APOBEC3H: variants seen among roughly 807,000 people sequenced by gnomAD.
APOBEC3H encodes the protein apolipoprotein B mRNA editing enzyme catalytic subunit 3H.
A neutral mutation model predicts 21.2 loss-of-function variants in APOBEC3H; 8 were observed. That is an observed-to-expected ratio of 0.38 (90% confidence interval 0.22 to 0.68). APOBEC3H has a LOEUF of 0.68. Ranked by LOEUF, APOBEC3H falls within the 30% of genes least tolerant of loss-of-function variation. The pLI is 0.52. For synonymous variants in APOBEC3H, 88 were observed against 91.0 expected (o/e 0.97, Z 0.19); for missense variants, 229 against 228.1 (o/e 1.00, Z -0.03).
At chr22:39,102,959 T>C (rs1166728439) in intron 4 of APOBEC3H, among the ~76,000 whole-genome samples, 9 of 47,710 alleles carry the variant, frequency 1.9e-4, no homozygotes, top group East Asian at 1.4e-3. Flanking sequence ...CAAGACTCTG[T>C]CCCAAAAAAA....
chr22:39,102,750 C>T (rs1017333261), intron 4 of APOBEC3H: 4 of 572,002 alleles, frequency 7.0e-6, no homozygotes, highest in South Asian at 2.1e-5. Context: ...GCCTGTAGTC[C>T]CAGCACTGGG....
At chr22:39,101,865 G>A in intron 3 of APOBEC3H, 53 bp from the exon 4 acceptor site, 2 of 1,613,468 alleles carry the variant, frequency 1.2e-6, no homozygotes, top group Admixed American at 1.7e-5. Flanking sequence ...AAGAGCTCCT[G>A]GCACTGCAGC....
chr22:39,098,232 C>A (rs987543932), intron 1 of APOBEC3H, among the ~76,000 whole-genome samples: 1 of 152,196 alleles, frequency 6.6e-6, no homozygotes, highest in African/African-American at 2.4e-5. Flanking sequence ...GAAGTGCTAC[C>A]CTGATTTTTT....
At chr22:39,100,051 T>G (rs1204110104) in intron 1 of APOBEC3H, among the ~76,000 whole-genome samples, 2 of 152,166 alleles carry the variant, frequency 1.3e-5, no homozygotes, top group East Asian at 3.8e-4. Context: ...CAGGCATCTG[T>G]AATCCCAGCT....
At chr22:39,101,029 C>T (rs112695008) in intron 2 of APOBEC3H, among the ~76,000 whole-genome samples, 7 of 152,262 alleles carry the variant, frequency 4.6e-5, no homozygotes, top group African/African-American at 9.6e-5. Context: ...AATTAACACA[C>T]GGGTGCGTGA....
At position 39,103,899 on chromosome 22, in the gene APOBEC3H, T is replaced by G; in HGVS notation, c.*202T>G. Reference sequence around the variant, plus strand: ...CCCATCCAAGTACAGAAGACCTTCCTTTCCTCCTTTTTCCATATTGCTTTC... The same window carrying G: ...CCCATCCAAGTACAGAAGACCTTCCGTTCCTCCTTTTTCCATATTGCTTTC... On this transcript the variant is annotated 3_prime_UTR_variant, in exon 5 of 5. Coordinates refer to ENST00000442487, the MANE Select transcript of APOBEC3H (RefSeq NM_181773.5). The G allele has an allele frequency of 1.6e-6, 1 of 606,644 alleles. No individual in the cohort carries two copies. The highest frequency in any genetic ancestry group is 2.9e-5 in the Admixed American group (1 of 34,598). The allele number at this position is 606,644 out of a possible 1,614,324, so 37.6% of individuals were successfully genotyped here. A position where few individuals can be genotyped will look rare whatever the true frequency, so the allele number is the denominator to read the frequency against.
At chr22:39,098,222 G>C (rs935521109) in intron 1 of APOBEC3H, among the ~76,000 whole-genome samples, 1 of 152,228 alleles carries the variant, frequency 6.6e-6, no homozygotes, top group African/African-American at 2.4e-5. Flanking sequence ...CCTGGGGATG[G>C]AAGTGCTACC....
intron 1 of APOBEC3H, among the ~76,000 whole-genome samples, chr22:39,098,661 G>C (rs1383205538): frequency 6.6e-6 from 1 of 152,150 alleles, no homozygotes; most frequent in Non-Finnish European, 1.5e-5. Flanking sequence ...AAAGACCAGA[G>C]CTAGGGCCCT....
At chr22:39,103,564 C>T (rs1929488625) in intron 4 of APOBEC3H, 125 bp from the exon 5 acceptor site, 2 of 962,714 alleles carry the variant, frequency 2.1e-6, no homozygotes. Context: ...TTTCTCCAGG[C>T]CTTCTGGGCC....
rs149074392 is a variant in APOBEC3H at position 39,103,672 on chromosome 22, C to T, written c.544-17C>T. 6.2e-7 allele frequency: 1 copy of T among 1,613,944 alleles called. No homozygotes were observed. The highest frequency in any genetic ancestry group is 1.3e-5 in the African/African-American group (1 of 75,042). ...CCCACCAGTTGGTACCTCCTAACTTCTCTCTTTCCCTCTCAGCAGTCCTGA... is the reference window on the plus strand; with the variant it reads ...CCCACCAGTTGGTACCTCCTAACTTTTCTCTTTCCCTCTCAGCAGTCCTGA... On this transcript the variant is annotated splice_polypyrimidine_tract_variant and intron_variant, in intron 4 of 4. Transcript: ENST00000442487.
intron 2 of APOBEC3H, among the ~76,000 whole-genome samples, chr22:39,100,928 C>T (rs1360907452): frequency 1.3e-5 from 2 of 151,894 alleles, no homozygotes; most frequent in East Asian, 1.9e-4. Flanking sequence ...CACAGAGCTT[C>T]GGGACTGGGG....
chr22:39,101,568 T>TG, intron 3 of APOBEC3H, 64 bp downstream of exon 3: 1 of 244,528 alleles, frequency 4.1e-6, no homozygotes, highest in South Asian at 2.8e-5. Context: ...TGGCAGGGGC[T>TG]GGGGGTTGGG....
rs572250808 is a variant in APOBEC3H at position 39,100,795 on chromosome 22, T to C, written c.150+367T>C. ...CATCACACCCCTGTCCTCTCCGCTC[T>C]ATTGCCAGCCCCTACCTGCCCTGCC... On this transcript the variant is annotated intron_variant, in intron 2 of 4. Transcript: ENST00000442487. 2.0e-3 allele frequency among the ~76,000 whole-genome samples: 297 copies of C among 152,286 alleles called. 1 individual carries two copies. The highest frequency in any genetic ancestry group is 6.9e-3 in the African/African-American group (286 of 41,564).
intron 3 of APOBEC3H, 63 bp downstream of exon 3, chr22:39,101,567 C>T: frequency 5.0e-6 from 2 of 402,898 alleles, no homozygotes; most frequent in Non-Finnish European, 9.2e-6. Context: ...TTGGCAGGGG[C>T]TGGGGGTTGG....
chr22:39,102,172 AG>A, intron 4 of APOBEC3H, 130 bp downstream of exon 4: 6 of 1,334,856 alleles, frequency 4.5e-6, no homozygotes, highest in Non-Finnish European at 6.0e-6. Context: ...TTTTTGAGAC[AG>A]GGTCTCACTC....
chr22:39,100,256 C>A lies in APOBEC3H; in HGVS notation c.-7-16C>A. On this transcript the variant is annotated splice_polypyrimidine_tract_variant and intron_variant, in intron 1 of 4. Coordinates refer to ENST00000442487, the MANE Select transcript of APOBEC3H (RefSeq NM_181773.5). ...ACGCTCCCTTCATCTTTGGTTTTCC[C>A]CTTTCTGTTGCACAGAAACACGATG... is the stretch of plus-strand genomic sequence containing the variant. 1 of 1,604,288 alleles carries A rather than the reference C, an allele frequency of 6.2e-7. No homozygotes were observed. Among genetic ancestry groups the A allele is most frequent in the South Asian group, 1.1e-5 (1 of 90,882 alleles).
chr22:39,103,579 T>C (rs1929489669), intron 4 of APOBEC3H, 110 bp from the exon 5 acceptor site: 2 of 1,188,058 alleles, frequency 1.7e-6, no homozygotes, highest in African/African-American at 3.1e-5. Context: ...TGGGCCCTTC[T>C]GGTGCCAGTT....
intron 1 of APOBEC3H, among the ~76,000 whole-genome samples, chr22:39,099,496 G>C (rs56187554): frequency 0.083 from 12,587 of 152,138 alleles, 1,044 homozygotes; most frequent in African/African-American, 0.22. Flanking sequence ...GAGGCCTGTG[G>C]ACCTCAAGGA....
At chr22:39,101,671 C>G (rs1165431430) in intron 3 of APOBEC3H, among the ~76,000 whole-genome samples, 167 bp downstream of exon 3, 1 of 8,394 alleles carries the variant, frequency 1.2e-4, no homozygotes, top group African/African-American at 9.2e-4. Context: ...TGGCGGGGGG[C>G]GGGGGCGGGT....
Sources: allele counts gnomAD v4.1 joint callset (sites outside exome capture counted in the v4.1 genomes callset), GRCh38; gene constraint gnomAD v4.1.1; transcripts MANE v1.5; gene names NCBI Gene and HGNC (gene_info 2026-07-23, HGNC 2026-07-21).